PCSK5: variants seen among roughly 807,000 people sequenced by gnomAD.
PCSK5 encodes the protein proprotein convertase subtilisin/kexin type 5.
A neutral mutation model predicts 233.2 loss-of-function variants in PCSK5; 129 were observed. The observed-to-expected ratio is 0.55, with a 90% CI of 0.48 to 0.64. The LOEUF is 0.64. Ranked by LOEUF, PCSK5 falls within the 30% of genes least tolerant of loss-of-function variation. PCSK5 has a pLI of 0.00. For synonymous variants in PCSK5, 825 were observed against 879.2 expected (o/e 0.94, Z 1.09); for missense variants, 2,076 against 2,430.1 (o/e 0.85, Z 3.06).
At position 76,058,083 on chromosome 9, in the gene PCSK5, A is replaced by G. The variant is rs569655042; in HGVS notation, c.633-9872A>G. On this transcript the variant is annotated intron_variant, in intron 5 of 37. Transcript: ENST00000674117. Reference sequence around the variant, plus strand: ...AGGCTGGTCTCCAACTTCTGTGCTCAAGTGATCCTCCCACATTGGCCCCAA... The same window carrying G: ...AGGCTGGTCTCCAACTTCTGTGCTCGAGTGATCCTCCCACATTGGCCCCAA... 2.6e-5 allele frequency among the ~76,000 whole-genome samples: 4 copies of G among 152,180 alleles called. No individual in the cohort carries two copies. In the South Asian group the frequency reaches 8.3e-4, roughly 32 times the overall value.
chr9:75,999,485 G>A (rs1266764079), intron 3 of PCSK5, among the ~76,000 whole-genome samples: 9 of 152,194 alleles, frequency 5.9e-5, no homozygotes, highest in Non-Finnish European at 4.4e-5. Flanking sequence ...TTAACTAAAA[G>A]TATCCCTTAT....
chr9:75,915,432 A>G (rs1461432482), intron 1 of PCSK5, among the ~76,000 whole-genome samples: 30 of 152,226 alleles, frequency 2.0e-4, no homozygotes, highest in Non-Finnish European at 5.9e-5. Context: ...CATTTGAAAT[A>G]GGAGAAAGTG....
intron 7 of PCSK5, among the ~76,000 whole-genome samples, chr9:76,091,913 C>A (rs936305090): frequency 6.6e-6 from 1 of 152,276 alleles, no homozygotes; most frequent in East Asian, 1.9e-4. Context: ...GACACAAGGA[C>A]GTCACCTCTG....
intron 5 of PCSK5, among the ~76,000 whole-genome samples, chr9:76,038,547 C>T (rs1828962059): frequency 6.6e-6 from 1 of 152,158 alleles, no homozygotes; most frequent in African/African-American, 2.4e-5. Context: ...TGTTGTTATA[C>T]TTGAAACAAA....
chr9:75,934,649 T>C (rs1256030786), intron 2 of PCSK5, among the ~76,000 whole-genome samples: 1 of 151,952 alleles, frequency 6.6e-6, no homozygotes, highest in Non-Finnish European at 1.5e-5. Context: ...TGGCGCGATC[T>C]CAGCTCACTA....
chr9:75,951,924 G>T, intron 2 of PCSK5, among the ~76,000 whole-genome samples: 1 of 151,310 alleles, frequency 6.6e-6, no homozygotes, highest in African/African-American at 2.4e-5. Flanking sequence ...ACCAAGGGAT[G>T]ACTGTATTTT....
At chr9:76,274,168 A>G (rs1026075297) in intron 24 of PCSK5, among the ~76,000 whole-genome samples, 8 of 151,288 alleles carry the variant, frequency 5.3e-5, no homozygotes, top group African/African-American at 1.7e-4. Flanking sequence ...TTTTCTTTAT[A>G]TCTATCTTTG....
At chr9:76,327,620 T>C (rs912016185) in intron 32 of PCSK5, among the ~76,000 whole-genome samples, 4 of 152,120 alleles carry the variant, frequency 2.6e-5, no homozygotes, top group Non-Finnish European at 5.9e-5. Context: ...CTCAAGGTAC[T>C]CCGGAGGTGA....
At position 76,018,007 on chromosome 9, in the gene PCSK5, C is replaced by CAAAAA. The variant is rs10694867; in HGVS notation, c.412-5723_412-5719dup. On this transcript the variant is annotated intron_variant, in intron 3 of 37. Transcript: ENST00000674117. ...GGAAAAGGTTAAAGAAGGTCTCCTC[C>CAAAAA]AAAAAAAAAAAATGTGTGAGGGAGT... Among the ~76,000 whole-genome samples the CAAAAA allele has an allele frequency of 1.6e-4, 19 of 120,990 alleles. 7 individuals are homozygous for CAAAAA. The highest frequency in any genetic ancestry group is 2.9e-4 in the South Asian group (1 of 3,502). The allele number at this position is 120,990 out of a possible 152,430, so 79.4% of individuals were successfully genotyped here. A position where few individuals can be genotyped will look rare whatever the true frequency, so the allele number is the denominator to read the frequency against.
intron 12 of PCSK5, among the ~76,000 whole-genome samples, chr9:76,163,432 A>G (rs1321193696): frequency 6.6e-6 from 1 of 152,234 alleles, no homozygotes; most frequent in East Asian, 1.9e-4. Context: ...TCAGAACTCC[A>G]GTCCAGCTTG....
Position 76,063,248 on chromosome 9 carries a change from C to A in PCSK5, c.633-4707C>A, listed in dbSNP as rs919541163. Among the ~76,000 whole-genome samples the A allele has an allele frequency of 2.6e-5, 4 of 151,270 alleles. No homozygotes were observed. In the East Asian group the frequency reaches 7.7e-4, roughly 29 times the overall value. ...CTCCCGGGCTTAAGTGATTCTCCCA[C>A]CTTAGCCTCCTGAGTATGTAGGACA... On this transcript the variant is annotated intron_variant, in intron 5 of 37. Coordinates refer to ENST00000674117, the MANE Select transcript of PCSK5 (RefSeq NM_001372043.1).
At chr9:76,241,456 G>T (rs76072679) in intron 24 of PCSK5, among the ~76,000 whole-genome samples, 2,311 of 152,164 alleles carry the variant, frequency 0.015, 60 homozygotes, top group African/African-American at 0.053. Context: ...CAATAAAAAT[G>T]AAAATAAAAA....
chr9:76,018,007 C>CA (rs10694867), intron 3 of PCSK5, among the ~76,000 whole-genome samples: 51 of 121,022 alleles, frequency 4.2e-4, no homozygotes, highest in African/African-American at 7.4e-4. Context: ...AGGTCTCCTC[C>CA]AAAAAAAAAA....
chr9:76,016,152 A>C (rs1467318929), intron 3 of PCSK5, among the ~76,000 whole-genome samples: 1 of 152,234 alleles, frequency 6.6e-6, no homozygotes, highest in Non-Finnish European at 1.5e-5. Context: ...AAACTGTGTT[A>C]ATGATACCTA....
chr9:76,354,261 C>T lies in PCSK5; in HGVS notation c.5254+42C>T, dbSNP rs564860054. The T allele has an allele frequency of 1.1e-4, 159 of 1,467,414 alleles. No individual in the cohort carries two copies. In the East Asian group the frequency reaches 3.8e-3, roughly 35 times the overall value. 90.9% of individuals were successfully genotyped at this position (1,467,414 alleles called of 1,614,324 possible). ...AGCAGCCTGCAGAGGAAGGGCATGT[C>T]CTCAAGAAGCCAATGGGAGCAGAGG... On this transcript the variant is annotated intron_variant, in intron 37 of 37. Transcript: ENST00000674117.
At chr9:76,053,541 C>T (rs553647606) in intron 5 of PCSK5, among the ~76,000 whole-genome samples, 2 of 152,276 alleles carry the variant, frequency 1.3e-5, no homozygotes, top group South Asian at 4.1e-4. Context: ...CTGCCAGATA[C>T]CGTAAATCAT....
At chr9:76,093,062 G>A (rs56308947) in intron 7 of PCSK5, among the ~76,000 whole-genome samples, 1 of 140,444 alleles carries the variant, frequency 7.1e-6, no homozygotes, top group South Asian at 2.3e-4. Context: ...CTTTACACAC[G>A]CCCTTTTTTG....
At chr9:76,184,906 C>T (rs1824033210) in intron 17 of PCSK5, 149 bp downstream of exon 17, 1 of 513,436 alleles carries the variant, frequency 1.9e-6, no homozygotes, top group Non-Finnish European at 3.5e-6. Flanking sequence ...TTGCTATTTG[C>T]ATTATCTCTG....
intron 25 of PCSK5, among the ~76,000 whole-genome samples, chr9:76,294,420 A>G (rs1828374433): frequency 6.6e-6 from 1 of 152,218 alleles, no homozygotes. Flanking sequence ...CTACTTCGCT[A>G]CTATTGTTAA....
Sources: allele counts gnomAD v4.1 joint callset (sites outside exome capture counted in the v4.1 genomes callset), GRCh38; gene constraint gnomAD v4.1.1; transcripts MANE v1.5; gene names NCBI Gene and HGNC (gene_info 2026-07-23, HGNC 2026-07-21).